Variants in DPH6 observed in about 807,000 individuals in gnomAD.
DPH6 encodes the protein diphthamine biosynthesis 6.
Under a neutral mutation model 38.2 loss-of-function variants are expected in DPH6, and 33 were observed. The ratio of observed to expected loss-of-function variants is 0.86; its 90% CI spans 0.65 to 1.15. DPH6 has a LOEUF of 1.15. Ranked by LOEUF, DPH6 falls within the 50% of genes most tolerant of loss-of-function variation. The pLI is 0.00. For missense variants in DPH6, 325 were observed against 320.0 expected (o/e 1.02, Z -0.12); for synonymous variants, 108 against 103.0 (o/e 1.05, Z -0.30).
intron 3 of DPH6, among the ~76,000 whole-genome samples, chr15:35,261,494 T>A (rs1349154856): frequency 6.6e-6 from 1 of 152,090 alleles, no homozygotes; most frequent in African/African-American, 2.4e-5. Flanking sequence ...GGTTAACCAA[T>A]GTTGATGTCT....
the DPH6 span, among the ~76,000 whole-genome samples, chr15:35,165,532 C>T: frequency 6.6e-6 from 1 of 151,838 alleles, no homozygotes; most frequent in Non-Finnish European, 1.5e-5. Flanking sequence ...AATTGTTCTA[C>T]ATAATTAATT....
intron 2 of DPH6, among the ~76,000 whole-genome samples, chr15:35,542,099 G>A (rs2055261018): frequency 1.3e-5 from 2 of 152,128 alleles, no homozygotes; most frequent in South Asian, 4.1e-4. Context: ...GGGTAAAATG[G>A]TAGTGTACTT....
At chr15:35,149,028 T>G in the DPH6 span, among the ~76,000 whole-genome samples, 5 of 151,614 alleles carry the variant, frequency 3.3e-5, no homozygotes, top group South Asian at 1.0e-3. Context: ...TGAATCCTGC[T>G]CAGGGAATAC....
At chr15:35,489,763 G>A in intron 3 of DPH6, 1 of 982,510 alleles carries the variant, frequency 1.0e-6, no homozygotes, top group Non-Finnish European at 1.2e-6. Flanking sequence ...AAAGTATTTT[G>A]CCTTAGGAGG....
intron 3 of DPH6, chr15:35,298,134 T>A (rs2052027800): frequency 2.7e-6 from 1 of 367,520 alleles, no homozygotes; most frequent in Non-Finnish European, 5.3e-6. Flanking sequence ...TACAAGTCCC[T>A]CCAAGAGTCT....
At position 35,242,420 on chromosome 15, in the gene DPH6, C is replaced by T. The variant is rs2051607036; in HGVS notation, n.201-21838G>A. On this transcript the variant is annotated intron_variant and non_coding_transcript_variant, in intron 3 of 3. Coordinates refer to the DPH6 transcript ENST00000560386. ...TTAGCCTAGCCCTCATGTCTGCCTG[C>T]AGCGGCTGCCGCTGCTTTAATACTT... is the stretch of plus-strand genomic sequence containing the variant. 1.4e-5 allele frequency among the ~76,000 whole-genome samples: 2 copies of T among 142,938 alleles called. 1 individual carries two copies. Among genetic ancestry groups the T allele is most frequent in the Non-Finnish European group, 3.1e-5 (2 of 65,428 alleles). 93.8% of individuals were successfully genotyped at this position (142,938 alleles called of 152,430 possible).
the DPH6 span, among the ~76,000 whole-genome samples, chr15:35,165,313 C>T: frequency 6.6e-6 from 1 of 151,792 alleles, no homozygotes; most frequent in African/African-American, 2.4e-5. Flanking sequence ...TGAAACAATG[C>T]CTCATCTTAT....
chr15:35,450,645 T>C (rs2053920350), intron 5 of DPH6, 40 bp downstream of exon 5: 2 of 1,477,816 alleles, frequency 1.4e-6, no homozygotes, highest in Non-Finnish European at 1.9e-6. Flanking sequence ...AGATCATCTA[T>C]GTGGCAACAA....
chr15:35,152,523 G>A, the DPH6 span, among the ~76,000 whole-genome samples: 634 of 152,184 alleles, frequency 4.2e-3, 5 homozygotes, highest in African/African-American at 0.014. Context: ...TTTTGAGATG[G>A]AGTTCTGCTC....
chr15:35,165,601 A>G, the DPH6 span, among the ~76,000 whole-genome samples: 1 of 151,898 alleles, frequency 6.6e-6, no homozygotes, highest in Non-Finnish European at 1.5e-5. Flanking sequence ...TCAGCACTCA[A>G]TTTAATCTAT....
At chr15:35,307,076 A>C (rs2052098164) in intron 3 of DPH6, among the ~76,000 whole-genome samples, 1 of 152,204 alleles carries the variant, frequency 6.6e-6, no homozygotes, top group Non-Finnish European at 1.5e-5. Flanking sequence ...AGTTCAAGTC[A>C]TTTAAAAAGC....
chr15:35,359,366 G>T (rs1314057644), intron 3 of DPH6, among the ~76,000 whole-genome samples: 2 of 152,164 alleles, frequency 1.3e-5, no homozygotes, highest in African/African-American at 4.8e-5. Flanking sequence ...CTGCACACCA[G>T]ATTCGCGCCC....
At chr15:35,387,034 G>A (rs2052970941) in intron 6 of DPH6, among the ~76,000 whole-genome samples, 1 of 152,168 alleles carries the variant, frequency 6.6e-6, no homozygotes, top group Non-Finnish European at 1.5e-5. Context: ...TGTAAGGAAG[G>A]GATCCAGTTT....
chr15:35,183,071 T>C, the DPH6 span, among the ~76,000 whole-genome samples: 38 of 152,212 alleles, frequency 2.5e-4, no homozygotes, highest in South Asian at 4.1e-4. Flanking sequence ...TGAATTGATA[T>C]TAAGTAACCA....
At chr15:35,272,854 C>A (rs1464215139) in intron 3 of DPH6, among the ~76,000 whole-genome samples, 1 of 151,850 alleles carries the variant, frequency 6.6e-6, no homozygotes, top group East Asian at 1.9e-4. Flanking sequence ...TTGCAGTGAG[C>A]CGAGATCGCA....
intron 3 of DPH6, chr15:35,237,221 T>C (rs2051559132): frequency 1.0e-6 from 1 of 978,026 alleles, no homozygotes; most frequent in Non-Finnish European, 1.6e-6. Context: ...TGCTGGGGGC[T>C]CGAGAACTGA....
At chr15:35,413,776 G>A (rs2053400367) in intron 5 of DPH6, among the ~76,000 whole-genome samples, 1 of 151,540 alleles carries the variant, frequency 6.6e-6, no homozygotes, top group South Asian at 2.1e-4. Flanking sequence ...GGCTGGACCT[G>A]TTTCTACCAT....
chr15:35,183,442 T>C, the DPH6 span, among the ~76,000 whole-genome samples: 21 of 152,214 alleles, frequency 1.4e-4, no homozygotes, highest in African/African-American at 4.8e-4. Flanking sequence ...ACAATAATAG[T>C]GTCTAAAAGG....
chr15:35,298,766 G>T, intron 3 of DPH6: 19 of 1,384,590 alleles, frequency 1.4e-5, no homozygotes, highest in Non-Finnish European at 1.7e-5. Context: ...AGCGAGGAAG[G>T]AGTTGCGCTG....
Sources: gnomAD v4.1 joint callset for allele counts (sites outside exome capture counted in the v4.1 genomes callset) on GRCh38, gnomAD v4.1.1 for gene constraint, MANE v1.5 for transcripts, NCBI Gene and HGNC (gene_info 2026-07-23, HGNC 2026-07-21) for gene names.